Variants in GRM8 observed in about 807,000 individuals in gnomAD.
The protein encoded by GRM8 is metabotropic glutamate receptor 8.
GRM8 carries 47 observed loss-of-function variants against 87.2 expected under a neutral mutation model. The observed-to-expected ratio is 0.54, with a 90% CI of 0.43 to 0.69. The LOEUF (loss-of-function observed/expected upper bound fraction) is 0.69, where lower values mean the gene tolerates loss of function less well. GRM8 is among the 30% of genes least tolerant of loss of function. The pLI is 0.00. For synonymous variants in GRM8, 396 were observed against 404.5 expected (o/e 0.98, Z 0.25); for missense variants, 1,019 against 1,139.2 (o/e 0.89, Z 1.52).
At chr7:126,677,833 G>A (rs1398888975) in intron 7 of GRM8, among the ~76,000 whole-genome samples, 4 of 152,176 alleles carry the variant, frequency 2.6e-5, no homozygotes, top group East Asian at 1.9e-4. Context: ...ATTTGTATTC[G>A]TAAAGGTATT....
intron 9 of GRM8, among the ~76,000 whole-genome samples, chr7:126,480,638 G>A (rs1806559611): frequency 6.6e-6 from 1 of 152,060 alleles, no homozygotes; most frequent in East Asian, 1.9e-4. Context: ...GGAAAAGTTA[G>A]AATGACCCTT....
In GRM8 at chr7:126,444,639, A is replaced by G. The variant is rs563683050; in HGVS notation, c.2677+1487T>C. On this transcript the variant is annotated intron_variant, in intron 10 of 10. Transcript: ENST00000339582. Reference sequence around the variant, plus strand: ...TAACTATCACAGGATAGTTCTGTGTATGGTAAATTAGAGTAGACAATGCTT... The same window carrying G: ...TAACTATCACAGGATAGTTCTGTGTGTGGTAAATTAGAGTAGACAATGCTT... 1.2e-4 allele frequency among the ~76,000 whole-genome samples: 18 copies of G among 152,224 alleles called. 1 individual carries two copies. In the South Asian group the frequency reaches 1.9e-3, roughly 16 times the overall value.
At chr7:126,803,995 G>A (rs1792386943) in intron 6 of GRM8, among the ~76,000 whole-genome samples, 1 of 150,816 alleles carries the variant, frequency 6.6e-6, no homozygotes, top group Non-Finnish European at 1.5e-5. Flanking sequence ...TGTTTTAATG[G>A]TCAGATTTTA....
At chr7:126,847,788 A>G (rs1201841305) in intron 6 of GRM8, among the ~76,000 whole-genome samples, 1 of 152,102 alleles carries the variant, frequency 6.6e-6, no homozygotes, top group Admixed American at 6.6e-5. Context: ...TCAAGGGGAG[A>G]GAATATGGAC....
chr7:126,806,056 G>A (rs1204173719), intron 6 of GRM8, among the ~76,000 whole-genome samples: 1 of 152,186 alleles, frequency 6.6e-6, no homozygotes, highest in African/African-American at 2.4e-5. Flanking sequence ...CAGAATTGGT[G>A]GGTTCTTGGT....
intron 7 of GRM8, among the ~76,000 whole-genome samples, chr7:126,753,397 T>G (rs79746986): frequency 0.012 from 1,808 of 151,566 alleles, 82 homozygotes; most frequent in East Asian, 0.11. Flanking sequence ...CATATATATA[T>G]ATAGATAGAT....
intron 9 of GRM8, among the ~76,000 whole-genome samples, chr7:126,521,044 A>T (rs1317532374): frequency 6.6e-6 from 1 of 152,160 alleles, no homozygotes; most frequent in Non-Finnish European, 1.5e-5. Context: ...AGGGTTTATG[A>T]CAGGCTCACT....
intron 6 of GRM8, among the ~76,000 whole-genome samples, chr7:126,844,120 G>A (rs915457467): frequency 7.9e-5 from 12 of 152,114 alleles, no homozygotes; most frequent in African/African-American, 2.9e-4. Context: ...TTGTCAATTG[G>A]AATCTACTGA....
intron 6 of GRM8, among the ~76,000 whole-genome samples, chr7:126,872,116 T>G (rs1799151694): frequency 6.6e-6 from 1 of 152,140 alleles, no homozygotes; most frequent in African/African-American, 2.4e-5. Context: ...AAGCTACTCC[T>G]GCTCTTGATC....
At chr7:127,056,707 T>C (rs570331495) in intron 3 of GRM8, among the ~76,000 whole-genome samples, 1 of 152,354 alleles carries the variant, frequency 6.6e-6, no homozygotes, top group African/African-American at 2.4e-5. Flanking sequence ...ATTACTTTGC[T>C]TGTTTAATGT....
chr7:127,228,329 GA>G (rs1232533179), intron 2 of GRM8: 1 of 152,174 alleles, frequency 6.6e-6, no homozygotes, highest in Non-Finnish European at 1.5e-5. Context: ...TGGCATATGG[GA>G]AGCTGTCAAT....
intron 3 of GRM8, among the ~76,000 whole-genome samples, chr7:127,060,602 A>G (rs1820510305): frequency 6.6e-6 from 1 of 152,182 alleles, no homozygotes; most frequent in South Asian, 2.1e-4. Context: ...TAGGAACCCA[A>G]TGATATATAA....
intron 8 of GRM8, among the ~76,000 whole-genome samples, chr7:126,545,734 A>G (rs1276086439): frequency 6.6e-6 from 1 of 152,178 alleles, no homozygotes; most frequent in Non-Finnish European, 1.5e-5. Context: ...TTGATCCTTC[A>G]TTGCTAATAA....
At chr7:126,664,625 A>G (rs1473844961) in intron 7 of GRM8, among the ~76,000 whole-genome samples, 1 of 152,184 alleles carries the variant, frequency 6.6e-6, no homozygotes, top group East Asian at 1.9e-4. Context: ...AAATAATTGA[A>G]GATAGATTAA....
chr7:127,144,270 T>C (rs1828434468), intron 2 of GRM8, among the ~76,000 whole-genome samples: 1 of 152,128 alleles, frequency 6.6e-6, no homozygotes, highest in Admixed American at 6.6e-5. Context: ...AAGAAAAGAA[T>C]AAGTTCTTTA....
intron 3 of GRM8, among the ~76,000 whole-genome samples, chr7:127,039,136 G>T (rs1818115431): frequency 6.6e-6 from 1 of 152,194 alleles, no homozygotes; most frequent in Admixed American, 6.5e-5. Flanking sequence ...AGTTTAGTAG[G>T]TGTTATGGGA....
chr7:126,493,292 G>T (rs1211757716), intron 9 of GRM8, among the ~76,000 whole-genome samples: 1 of 152,016 alleles, frequency 6.6e-6, no homozygotes, highest in African/African-American at 2.4e-5. Context: ...TGGGGTCACT[G>T]TCCAGATACA....
chr7:126,709,054 AT>A (rs1330466763), intron 7 of GRM8, among the ~76,000 whole-genome samples: 1 of 152,188 alleles, frequency 6.6e-6, no homozygotes, highest in Non-Finnish European at 1.5e-5. Context: ...ATTACAAACA[AT>A]ATGTTATACA....
chr7:126,602,835 A>C (rs917085794), intron 8 of GRM8, among the ~76,000 whole-genome samples: 2 of 143,812 alleles, frequency 1.4e-5, no homozygotes, highest in African/African-American at 5.0e-5. Context: ...ATTCCTTCTG[A>C]AACTATTCCA....
Sources: gnomAD v4.1 joint callset for allele counts (sites outside exome capture counted in the v4.1 genomes callset) on GRCh38, gnomAD v4.1.1 for gene constraint, MANE v1.5 for transcripts, NCBI Gene and HGNC (gene_info 2026-07-23, HGNC 2026-07-21) for gene names.